BRINP1: variants seen among roughly 807,000 people sequenced by gnomAD.
BRINP1 encodes the protein BMP/retinoic acid inducible neural specific 1.
A neutral mutation model predicts 72.9 loss-of-function variants in BRINP1; 17 were observed. The observed-to-expected ratio is 0.23, with a 90% CI of 0.16 to 0.35. The LOEUF is 0.35. BRINP1 is among the 10% of genes least tolerant of loss of function. The pLI is 1.00. For missense variants in BRINP1, 850 were observed against 1,001.6 expected (o/e 0.85, Z 2.04); for synonymous variants, 418 against 378.5 (o/e 1.10, Z -1.21).
At chr9:119,323,472 G>A (rs553765311) in intron 1 of BRINP1, among the ~76,000 whole-genome samples, 11 of 152,262 alleles carry the variant, frequency 7.2e-5, no homozygotes, top group African/African-American at 2.4e-4. Context: ...GAGAGGTGAT[G>A]CCAGAGACAG....
At chr9:119,288,444 T>C (rs1830788984) in intron 2 of BRINP1, among the ~76,000 whole-genome samples, 1 of 152,212 alleles carries the variant, frequency 6.6e-6, no homozygotes, top group Non-Finnish European at 1.5e-5. Context: ...TGACTAGACC[T>C]GGGCCTTGAC....
chr9:119,286,114 A>C (rs1474416558), intron 2 of BRINP1, among the ~76,000 whole-genome samples: 1 of 152,222 alleles, frequency 6.6e-6, no homozygotes, highest in Non-Finnish European at 1.5e-5. Flanking sequence ...TATCACCACG[A>C]AAATTGTCTC....
intron 7 of BRINP1, among the ~76,000 whole-genome samples, chr9:119,169,402 C>T (rs1017919265): frequency 1.3e-5 from 2 of 152,178 alleles, no homozygotes; most frequent in African/African-American, 4.8e-5. Flanking sequence ...ACTCCCCCAC[C>T]GAATACTGTG....
At chr9:119,317,317 G>A (rs373849098) in intron 1 of BRINP1, among the ~76,000 whole-genome samples, 3 of 152,134 alleles carry the variant, frequency 2.0e-5, no homozygotes, top group Non-Finnish European at 2.9e-5. Flanking sequence ...GAATGATCAT[G>A]AGGGGTTCAA....
At chr9:119,310,696 A>C (rs1831053051) in intron 2 of BRINP1, among the ~76,000 whole-genome samples, 1 of 152,156 alleles carries the variant, frequency 6.6e-6, no homozygotes, top group African/African-American at 2.4e-5. Context: ...AAAAATGTGC[A>C]CTAGGATAGT....
chr9:119,222,006 C>T lies in BRINP1; in HGVS notation c.686-7851G>A, dbSNP rs183187358. On this transcript the variant is annotated intron_variant, in intron 5 of 7. Transcript: ENST00000265922. The stretch of plus-strand genomic sequence containing the variant: ...ATGTCCCCTCTTAGAGATAACTACA[C>T]ATCCCCACTCTCCAAACTTAAACAA... Among the ~76,000 whole-genome samples, 3 of 152,290 alleles carry T rather than the reference C, an allele frequency of 2.0e-5. No homozygotes were observed. In the East Asian group the frequency reaches 5.8e-4, roughly 29 times the overall value.
At chr9:119,181,031 A>C (rs1278155468) in intron 7 of BRINP1, among the ~76,000 whole-genome samples, 1 of 152,154 alleles carries the variant, frequency 6.6e-6, no homozygotes, top group Non-Finnish European at 1.5e-5. Context: ...CTGTGTCTGG[A>C]AGGAGGTGAC....
chr9:119,286,390 G>A (rs774125395), intron 2 of BRINP1, among the ~76,000 whole-genome samples: 41 of 151,894 alleles, frequency 2.7e-4, no homozygotes, highest in African/African-American at 9.4e-4. Flanking sequence ...CTGCCACCAC[G>A]CCCAGCTAAT....
intron 3 of BRINP1, among the ~76,000 whole-genome samples, chr9:119,246,739 G>A (rs767837097): frequency 6.6e-6 from 1 of 152,092 alleles, no homozygotes; most frequent in African/African-American, 2.4e-5. Context: ...TGCAGAGGAG[G>A]CTCTTAAAAA....
chr9:119,339,477 C>G (rs573940722), intron 1 of BRINP1, among the ~76,000 whole-genome samples: 52 of 152,278 alleles, frequency 3.4e-4, no homozygotes, highest in African/African-American at 1.2e-3. Flanking sequence ...TTGGGTCAAC[C>G]GTATATCATC....
chr9:119,301,033 T>G (rs1473236026), intron 2 of BRINP1, among the ~76,000 whole-genome samples: 1 of 152,242 alleles, frequency 6.6e-6, no homozygotes, highest in Admixed American at 6.5e-5. Flanking sequence ...ACCTGATAAC[T>G]CCAAATACTG....
intron 1 of BRINP1, among the ~76,000 whole-genome samples, chr9:119,326,280 A>G (rs1217806923): frequency 1.3e-5 from 2 of 152,202 alleles, no homozygotes; most frequent in Non-Finnish European, 1.5e-5. Flanking sequence ...CTAAGAAACC[A>G]CATCATCCCT....
intron 5 of BRINP1, among the ~76,000 whole-genome samples, chr9:119,224,006 A>G (rs1830066661): frequency 2.0e-5 from 3 of 152,056 alleles, no homozygotes; most frequent in Admixed American, 2.0e-4. Context: ...CAAGGTAACA[A>G]GCCCAGTGCT....
At chr9:119,229,506 C>CTATTCT (rs1288784635) in intron 5 of BRINP1, among the ~76,000 whole-genome samples, 1 of 152,028 alleles carries the variant, frequency 6.6e-6, no homozygotes, top group African/African-American at 2.4e-5. Context: ...CTTGAAACCA[C>CTATTCT]TATTCTACAT....
Position 119,238,748 on chromosome 9 carries a change from G to A in BRINP1, c.592C>T (p.Arg198Cys), listed in dbSNP as rs779421835. ...STGAIKVTETRTGPLGCNSYD... is the reference protein window; with the variant it reads ...STGAIKVTETCTGPLGCNSYD... ...CTGTTACAGCCCAGAGGCCCAGTGC[G>A]TGTCTCTGTGACCTGCAGTAGATAT... The change falls in exon 5 of 8, where the codon CGC (arginine) becomes TGC (cysteine). Residue 198 changes from arginine (R) to cysteine (C), a missense_variant. By Grantham distance (180) the Arg-to-Cys change is radical. Transcript: ENST00000265922. 7 of 1,603,928 alleles carry A rather than the reference G, an allele frequency of 4.4e-6. No individual in the cohort carries two copies. Among genetic ancestry groups the A allele is most frequent in the East Asian group, 2.3e-5 (1 of 44,132 alleles).
intron 1 of BRINP1, among the ~76,000 whole-genome samples, chr9:119,367,556 T>C (rs1354494766): frequency 5.3e-5 from 8 of 151,914 alleles, no homozygotes; most frequent in Non-Finnish European, 1.5e-5. Context: ...AGCCCAACAG[T>C]ACCAAGCCAG....
intron 5 of BRINP1, among the ~76,000 whole-genome samples, chr9:119,231,077 C>G (rs1193161053): frequency 6.6e-6 from 1 of 151,964 alleles, no homozygotes; most frequent in African/African-American, 2.4e-5. Flanking sequence ...TTTATGTATA[C>G]TAAGAAAATA....
At chr9:119,358,522 C>T (rs1488131383) in intron 1 of BRINP1, among the ~76,000 whole-genome samples, 1 of 152,048 alleles carries the variant, frequency 6.6e-6, no homozygotes, top group South Asian at 2.1e-4. Context: ...AGTGAAACCC[C>T]GTATCTACCA....
At chr9:119,281,523 AGATTCTCTATGGTATCATAG>A (rs2118962575) in intron 2 of BRINP1, among the ~76,000 whole-genome samples, 1 of 152,318 alleles carries the variant, frequency 6.6e-6, no homozygotes, top group African/African-American at 2.4e-5. Flanking sequence ...GAGGTATCAT[AGATTCTCTATGGTATCATAG>A]GATTCTCTAT....
Sources: gnomAD v4.1 joint callset for allele counts (sites outside exome capture counted in the v4.1 genomes callset) on GRCh38, gnomAD v4.1.1 for gene constraint, MANE v1.5 for transcripts, NCBI Gene and HGNC (gene_info 2026-07-23, HGNC 2026-07-21) for gene names.